LAMC3: variants seen among roughly 807,000 people sequenced by gnomAD.
LAMC3 encodes laminin subunit gamma-3.
LAMC3 carries 128 observed loss-of-function variants against 173.8 expected under a neutral mutation model. That is an observed-to-expected ratio of 0.74 (90% CI 0.64 to 0.85). The LOEUF is 0.85. LAMC3 is among the 40% of genes least tolerant of loss of function. The pLI is 0.00. For missense variants in LAMC3, 2,022 were observed against 2,156.0 expected (o/e 0.94, Z 1.23); for synonymous variants, 897 against 909.1 (o/e 0.99, Z 0.24).
At chr9:131,040,251 CACT>C (rs755330794) in intron 6 of LAMC3, among the ~76,000 whole-genome samples, 1 of 151,930 alleles carries the variant, frequency 6.6e-6, no homozygotes, top group Non-Finnish European at 1.5e-5. Context: ...GATCTCTACT[CACT>C]ACAACCTCCG....
intron 12 of LAMC3, among the ~76,000 whole-genome samples, chr9:131,058,758 G>A (rs1043414697): frequency 1.3e-5 from 2 of 151,850 alleles, no homozygotes; most frequent in African/African-American, 4.8e-5. Context: ...GCTGGGTGTG[G>A]TGGCAGGCAC....
intron 11 of LAMC3, 55 bp from the exon 12 acceptor site, chr9:131,056,874 G>A: frequency 7.2e-7 from 1 of 1,390,654 alleles, no homozygotes. Flanking sequence ...TTGGGGGGAA[G>A]CATGTGCAGG....
At position 131,072,617 on chromosome 9, in the gene LAMC3, G is replaced by A; in HGVS notation, c.3212-13G>A. On this transcript the variant is annotated splice_polypyrimidine_tract_variant and intron_variant, in intron 18 of 27. Coordinates refer to ENST00000361069, the MANE Select transcript of LAMC3 (RefSeq NM_006059.4). ...CACCACTTTGTGACCCCTGGGCTGT[G>A]GGCTTCCCATAGGGGCTCGGGAAGC... 6.2e-7 allele frequency: 1 copy of A among 1,603,864 alleles called. No individual in the cohort carries two copies. Among genetic ancestry groups the A allele is most frequent in the Non-Finnish European group, 8.5e-7 (1 of 1,176,328 alleles).
rs569392675 is a variant in LAMC3, at chr9:131,048,581, G to T, written c.1520-439G>T. 2.0e-5 allele frequency among the ~76,000 whole-genome samples: 3 copies of T among 152,278 alleles called. No individual in the cohort carries two copies. The South Asian group carries it at 6.2e-4, about 32-fold the overall frequency. Reference sequence around the variant, plus strand: ...TAACTGCTGTGGCCAGAGGGAGGAGGCACTGAACTGGCACTGGGGACCAGA... The same window carrying T: ...TAACTGCTGTGGCCAGAGGGAGGAGTCACTGAACTGGCACTGGGGACCAGA... On this transcript the variant is annotated intron_variant, in intron 8 of 27. Transcript: ENST00000361069.
rs1470276639 is a variant in LAMC3 at position 131,045,493 on chromosome 9, C to T, written c.1383-31C>T. 3.1e-6 allele frequency: 5 copies of T among 1,612,388 alleles called. No individual in the cohort carries two copies. In the East Asian group the frequency reaches 6.7e-5, roughly 22 times the overall value. On this transcript the variant is annotated intron_variant, in intron 7 of 27. Transcript: ENST00000361069. ...GCCCCTTCCTGGCTGATTCACGTGG[C>T]CCTCGTGGGCATGTCCTGCCTCCAT...
At chr9:131,022,054 G>A (rs1243287343) in intron 1 of LAMC3, among the ~76,000 whole-genome samples, 5 of 152,078 alleles carry the variant, frequency 3.3e-5, no homozygotes, top group Non-Finnish European at 5.9e-5. Context: ...ACCCTCTCTT[G>A]GAGGGTCTTA....
At chr9:131,080,602 G>C (rs1487632966) in intron 23 of LAMC3, among the ~76,000 whole-genome samples, 1 of 152,114 alleles carries the variant, frequency 6.6e-6, no homozygotes. Context: ...TTTAAAGACA[G>C]GATAAGGGGG....
At chr9:131,074,870 G>A (rs1465965804) in intron 20 of LAMC3, among the ~76,000 whole-genome samples, 3 of 152,114 alleles carry the variant, frequency 2.0e-5, no homozygotes, top group Non-Finnish European at 4.4e-5. Context: ...ATAAAGCCAG[G>A]ATTCAAACCC....
At chr9:131,072,563 T>C in intron 18 of LAMC3, 67 bp from the exon 19 acceptor site, 6 of 1,392,974 alleles carry the variant, frequency 4.3e-6, no homozygotes, top group Non-Finnish European at 6.0e-6. Flanking sequence ...AGGGGACCCC[T>C]GGGGGTGGGG....
intron 13 of LAMC3, among the ~76,000 whole-genome samples, chr9:131,064,391 C>T (rs1008878049): frequency 2.6e-5 from 4 of 152,340 alleles, no homozygotes; most frequent in Non-Finnish European, 2.9e-5. Flanking sequence ...TGGCCGGGCA[C>T]AGTGGCTCAC....
chr9:131,055,423 C>CTTTTTTTTTTTTTTTT (rs56220728), intron 11 of LAMC3, among the ~76,000 whole-genome samples: 1 of 109,222 alleles, frequency 9.2e-6, no homozygotes, highest in African/African-American at 3.5e-5. Context: ...TCTTTTCTTT[C>CTTTTTTTTTTTTTTTT]TTTTTTTTTT....
In LAMC3 at chr9:131,091,927, T is replaced by C. The variant is rs1588173982; in HGVS notation, c.*140T>C. ...AACTCGCCCCCGTGTGGATAGTCAC[T>C]CCCTGCCGATTCTGTCTGTGGCTTC... is the stretch of plus-strand genomic sequence containing the variant. On this transcript the variant is annotated 3_prime_UTR_variant, in exon 28 of 28. Transcript: ENST00000361069. 2 of 647,340 alleles carry C rather than the reference T, an allele frequency of 3.1e-6. No homozygotes were observed. The highest frequency in any genetic ancestry group is 2.4e-5 in the South Asian group (1 of 41,566). The allele number at this position is 647,340 out of a possible 1,614,324, so 40.1% of individuals were successfully genotyped here. A position where few individuals can be genotyped will look rare whatever the true frequency, so the allele number is the denominator to read the frequency against.
chr9:131,032,677 T>G (rs986021886), intron 3 of LAMC3, among the ~76,000 whole-genome samples: 7 of 152,052 alleles, frequency 4.6e-5, no homozygotes, highest in South Asian at 2.1e-4. Context: ...TCTCTCGCTC[T>G]CTCTCTCTCT....
intron 1 of LAMC3, among the ~76,000 whole-genome samples, chr9:131,016,070 C>G (rs1408601227): frequency 1.3e-5 from 2 of 152,072 alleles, no homozygotes; most frequent in Non-Finnish European, 1.5e-5. Flanking sequence ...ATTACTCAGC[C>G]CTGAAAAAGG....
Position 131,039,257 on chromosome 9 carries a change from G to C in LAMC3, c.1283+9G>C, listed in dbSNP as rs772906678. On this transcript the variant is annotated intron_variant, in intron 6 of 27. Coordinates refer to ENST00000361069, the MANE Select transcript of LAMC3 (RefSeq NM_006059.4). ...AGTGAGGGAGGCTGCAGGTGAGGGC[G>C]AGGGGCGGCCCAGTATGGACACATT... The C allele has an allele frequency of 6.3e-7, 1 of 1,598,592 alleles. No homozygotes were observed. The highest frequency in any genetic ancestry group is 2.2e-5 in the East Asian group (1 of 44,862).
Position 131,073,250 on chromosome 9 carries a change from T to G in LAMC3, c.3423T>G (p.Ile1141Met). ...HAAAILASLE[I>M]PQEGPSQPTK... The stretch of plus-strand genomic sequence containing the variant: ...TCTTCCTCTTCTTTCTACAGGAGAT[T>G]CCTCAGGAAGGTCCCAGTCAGCCGA... Residue 1141 changes from isoleucine (I) to methionine (M), a missense_variant, in exon 20 of 28, where the codon ATT (isoleucine) becomes ATG (methionine). Ile to Met is a conservative substitution (Grantham distance 10). Coordinates refer to ENST00000361069, the MANE Select transcript of LAMC3 (RefSeq NM_006059.4). 1.2e-6 allele frequency: 2 copies of G among 1,612,764 alleles called. No homozygotes were observed. The highest frequency in any genetic ancestry group is 1.7e-6 in the Non-Finnish European group (2 of 1,179,550).
At chr9:131,067,682 C>T (rs1829963372) in intron 14 of LAMC3, among the ~76,000 whole-genome samples, 1 of 152,204 alleles carries the variant, frequency 6.6e-6, no homozygotes, top group South Asian at 2.1e-4. Context: ...CTTTGTGGAA[C>T]CCCTGCAGGA....
chr9:131,084,303 T>C (rs1460302421), intron 24 of LAMC3, among the ~76,000 whole-genome samples: 1 of 152,140 alleles, frequency 6.6e-6, no homozygotes, highest in Non-Finnish European at 1.5e-5. Context: ...CTCCAACTCC[T>C]GGCCTCAAGT....
chr9:131,064,624 A>C (rs181916307), intron 13 of LAMC3, among the ~76,000 whole-genome samples: 158 of 151,198 alleles, frequency 1.0e-3, no homozygotes, highest in African/African-American at 3.7e-3. Flanking sequence ...AGATCGCGCC[A>C]CTGCACTCCA....
Sources: gnomAD v4.1 joint callset for allele counts (sites outside exome capture counted in the v4.1 genomes callset) on GRCh38, gnomAD v4.1.1 for gene constraint, MANE v1.5 for transcripts, NCBI Gene and HGNC (gene_info 2026-07-23, HGNC 2026-07-21) for gene names.